The following GAGE12J variants were observed in gnomAD, a reference collection of about 807,000 sequenced individuals.
The protein encoded by GAGE12J is G antigen 11.
A neutral mutation model predicts 8.5 loss-of-function variants in GAGE12J; 5 were observed. That is an observed-to-expected ratio of 0.59 (90% CI 0.31 to 1.24). The LOEUF is 1.24. Among genes scored for constraint, GAGE12J ranks in the 50% most tolerant of loss-of-function variants. GAGE12J has a pLI of 0.06. For synonymous variants in GAGE12J, 10 were observed against 19.2 expected (o/e 0.52, Z 1.25); for missense variants, 26 against 63.0 (o/e 0.41, Z 1.99).
chrX:49,327,850 C>A (rs1486340939), intron 4 of GAGE12J, among the ~76,000 whole-genome samples: 12 of 24,546 alleles, frequency 4.9e-4, no homozygotes, highest in Admixed American at 7.2e-4. Context: ...TGTTTGTTTG[C>A]GACAGAGTCT....
chrX:49,322,481 G>A (rs782589814), intron 1 of GAGE12J, among the ~76,000 whole-genome samples: 1 of 106,182 alleles, frequency 9.4e-6, no homozygotes, highest in Non-Finnish European at 2.0e-5. Flanking sequence ...CGGGGGCGAG[G>A]CGGGCGGTGA....
chrX:49,323,169 C>G lies in GAGE12J; in HGVS notation c.-8-17C>G. On this transcript the variant is annotated splice_polypyrimidine_tract_variant and intron_variant, in intron 1 of 4. Coordinates refer to ENST00000442437, the MANE Select transcript of GAGE12J (RefSeq NM_001098406.4). ...CCTGTGGAGCGCACGTTCCCAATCACGGTTGTCTGTTTTCAGTGTGAAATA... is the reference window on the plus strand; with the variant it reads ...CCTGTGGAGCGCACGTTCCCAATCAGGGTTGTCTGTTTTCAGTGTGAAATA... 9.0e-7 allele frequency: 1 copy of G among 1,107,543 alleles called. No individual in the cohort carries two copies. Among genetic ancestry groups the G allele is most frequent in the Non-Finnish European group, 1.2e-6 (1 of 812,156 alleles). The allele number at this position is 1,107,543 out of a possible 1,213,427, so 91.3% of individuals were successfully genotyped here. A position where few individuals can be genotyped will look rare whatever the true frequency, so the allele number is the denominator to read the frequency against.
intron 1 of GAGE12J, among the ~76,000 whole-genome samples, chrX:49,322,436 C>T (rs2178975): frequency 9.2e-6 from 1 of 108,710 alleles, no homozygotes. Flanking sequence ...GAACCCCCGA[C>T]GACACAGGGC....
chrX:49,328,279 C>T, intron 4 of GAGE12J, among the ~76,000 whole-genome samples: 1 of 39,723 alleles, frequency 2.5e-5, no homozygotes, highest in African/African-American at 4.8e-5. Flanking sequence ...GACAACAGTC[C>T]CCAGGGTGTG....
intron 3 of GAGE12J, among the ~76,000 whole-genome samples, chrX:49,325,412 T>G: frequency 9.4e-6 from 1 of 106,119 alleles, no homozygotes; most frequent in Admixed American, 1.0e-4. Context: ...AGTGCAGTTA[T>G]CATATATTCT....
chrX:49,325,597 A>G (rs2066441832), intron 3 of GAGE12J, among the ~76,000 whole-genome samples: 1 of 79,901 alleles, frequency 1.3e-5, no homozygotes, highest in African/African-American at 3.4e-5. Context: ...ACACTCACAC[A>G]CACACACACA....
intron 1 of GAGE12J, among the ~76,000 whole-genome samples, chrX:49,322,497 G>C (rs1257619003): frequency 9.5e-6 from 1 of 104,718 alleles, no homozygotes; most frequent in Non-Finnish European, 2.0e-5. Context: ...GGTGAAGAAG[G>C]GGCCTGGCAC....
At chrX:49,328,104 T>G in intron 4 of GAGE12J, among the ~76,000 whole-genome samples, 1 of 74,589 alleles carries the variant, frequency 1.3e-5, no homozygotes. Flanking sequence ...TTTATTTATT[T>G]ATTTATTTAT....
intron 3 of GAGE12J, among the ~76,000 whole-genome samples, chrX:49,324,683 C>A (rs1333840769): frequency 1.6e-5 from 1 of 62,038 alleles, no homozygotes; most frequent in Non-Finnish European, 3.9e-5. Flanking sequence ...ATTCTCAGTG[C>A]GGGACAGTAT....
At chrX:49,323,345 C>A in intron 2 of GAGE12J, 68 bp downstream of exon 2, 2 of 871,905 alleles carry the variant, frequency 2.3e-6, no homozygotes, top group Non-Finnish European at 3.3e-6. Flanking sequence ...AGCGTTGTTG[C>A]ATTAGTGTGG....
At chrX:49,328,161 G>A (rs2066451426) in intron 4 of GAGE12J, among the ~76,000 whole-genome samples, 1 of 75,464 alleles carries the variant, frequency 1.3e-5, no homozygotes, top group African/African-American at 3.5e-5. Flanking sequence ...CGTTGTGCAG[G>A]TTAGTTACAT....
At chrX:49,323,350 G>C (rs1340635789) in intron 2 of GAGE12J, 73 bp downstream of exon 2, 2 of 749,710 alleles carry the variant, frequency 2.7e-6, no homozygotes, top group Non-Finnish European at 3.9e-6. Flanking sequence ...TGTTGCATTA[G>C]TGTGGAAATG....
chrX:49,323,294 T>A lies in GAGE12J; in HGVS notation c.84+17T>A, dbSNP rs782698183. 2.6e-6 allele frequency: 3 copies of A among 1,135,629 alleles called. No homozygotes were observed. 93.6% of individuals were successfully genotyped at this position (1,135,629 alleles called of 1,213,427 possible). On this transcript the variant is annotated intron_variant, in intron 2 of 4. Transcript: ENST00000442437. ...CCTATGCGGGTGAGTGCTTGAACGT[T>A]AATTCGATGTTTTCTATTAGTAGAA...
At chrX:49,327,832 G>GGTTT (rs1206953656) in intron 4 of GAGE12J, among the ~76,000 whole-genome samples, 3 of 21,506 alleles carry the variant, frequency 1.4e-4, no homozygotes, top group Admixed American at 8.0e-4. Flanking sequence ...CCCTCTTCTT[G>GGTTT]GTTTGTTTGT....
rs2066428010 is a variant in GAGE12J at position 49,323,178 on chromosome X, G to C, written c.-8-8G>C. On this transcript the variant is annotated splice_polypyrimidine_tract_variant and splice_region_variant and intron_variant, in intron 1 of 4. Coordinates refer to ENST00000442437, the MANE Select transcript of GAGE12J (RefSeq NM_001098406.4). ...CGCACGTTCCCAATCACGGTTGTCT[G>C]TTTTCAGTGTGAAATATGAGTTGGC... The C allele has an allele frequency of 1.8e-6, 2 of 1,116,652 alleles. No individual in the cohort carries two copies. Among genetic ancestry groups the C allele is most frequent in the African/African-American group, 1.8e-5 (1 of 55,109 alleles). The allele number at this position is 1,116,652 out of a possible 1,213,427, so 92.0% of individuals were successfully genotyped here. A position where few individuals can be genotyped will look rare whatever the true frequency, so the allele number is the denominator to read the frequency against.
At chrX:49,323,145 C>G (rs782675771) in intron 1 of GAGE12J, 41 bp from the exon 2 acceptor site, 1 of 1,079,845 alleles carries the variant, frequency 9.3e-7, no homozygotes, top group Admixed American at 2.3e-5. Flanking sequence ...TATAGCAGCC[C>G]TGTGGAGCGC....
chrX:49,323,475 C>CT (rs2147993037), intron 2 of GAGE12J, among the ~76,000 whole-genome samples, 198 bp downstream of exon 2: 1 of 96,870 alleles, frequency 1.0e-5, no homozygotes, highest in East Asian at 3.1e-4. Flanking sequence ...CCCATGACTT[C>CT]TTTCTCCGGC....
intron 1 of GAGE12J, among the ~76,000 whole-genome samples, chrX:49,322,539 C>G (rs782412937): frequency 1.0e-5 from 1 of 97,961 alleles, no homozygotes; most frequent in Non-Finnish European, 2.2e-5. Flanking sequence ...GAGCGCCCCC[C>G]CCAGCGGTGT....
intron 1 of GAGE12J, among the ~76,000 whole-genome samples, chrX:49,322,476 G>A (rs1305730517): frequency 8.3e-3 from 799 of 96,022 alleles, no homozygotes; most frequent in East Asian, 0.016. Context: ...TCCGGCGGGG[G>A]CGAGGCGGGC....
Sources: allele counts gnomAD v4.1 joint callset (sites outside exome capture counted in the v4.1 genomes callset), GRCh38; gene constraint gnomAD v4.1.1; transcripts MANE v1.5; gene names NCBI Gene and HGNC (gene_info 2026-07-23, HGNC 2026-07-21).